Variants in RANBP2 observed in about 807,000 individuals in gnomAD.
RANBP2 encodes RAN binding protein 2.
A neutral mutation model predicts 303.6 loss-of-function variants in RANBP2; 57 were observed. The ratio of observed to expected loss-of-function variants is 0.19; its 90% CI spans 0.15 to 0.23. The LOEUF (loss-of-function observed/expected upper bound fraction) is 0.23. RANBP2 is among the 10% of genes least tolerant of loss of function. The pLI is 1.00. For synonymous variants in RANBP2, 1,167 were observed against 1,301.5 expected, an observed-to-expected ratio of 0.90 and a Z score of 2.23; for missense variants, 3,138 against 3,780.8, an observed-to-expected ratio of 0.83 and a Z score of 4.46.
At chr2:109,799,562 A>G in the RANBP2 span, among the ~76,000 whole-genome samples, 1 of 4,328 alleles carries the variant, frequency 2.3e-4, no homozygotes, top group Non-Finnish European at 3.7e-4. Flanking sequence ...TCTTATCCAC[A>G]GTATTGCCTT....
At chr2:109,439,494 A>AC in the RANBP2 span, among the ~76,000 whole-genome samples, 1 of 152,188 alleles carries the variant, frequency 6.6e-6, no homozygotes, top group Non-Finnish European at 1.5e-5. Flanking sequence ...ATTTCAGCAG[A>AC]CCCCAACCCC....
At chr2:109,105,580 A>C in the RANBP2 span, among the ~76,000 whole-genome samples, 7 of 152,086 alleles carry the variant, frequency 4.6e-5, no homozygotes, top group Non-Finnish European at 7.4e-5. Context: ...TTTAAGATGA[A>C]GTCTTGCTCT....
At chr2:108,752,292 G>C (rs574176995) in intron 12 of RANBP2, among the ~76,000 whole-genome samples, 3 of 152,054 alleles carry the variant, frequency 2.0e-5, no homozygotes, top group South Asian at 4.1e-4. Context: ...AGGCTTTGTA[G>C]GTAAGACCAT....
At chr2:108,793,978 A>G in the RANBP2 span, among the ~76,000 whole-genome samples, 1 of 152,154 alleles carries the variant, frequency 6.6e-6, no homozygotes, top group Non-Finnish European at 1.5e-5. Flanking sequence ...AAATCAGCTC[A>G]AATTTCCACC....
chr2:109,289,332 C>T, the RANBP2 span, among the ~76,000 whole-genome samples: 2 of 151,322 alleles, frequency 1.3e-5, no homozygotes, highest in African/African-American at 4.9e-5. Flanking sequence ...CCCATGCTCC[C>T]ACACAAAGGT....
chr2:108,762,798 C>T (rs4099610), intron 19 of RANBP2, among the ~76,000 whole-genome samples: 4 of 151,182 alleles, frequency 2.6e-5, no homozygotes, highest in Non-Finnish European at 4.4e-5. Flanking sequence ...ATAAATGTTA[C>T]CATCATCATC....
the RANBP2 span, among the ~76,000 whole-genome samples, chr2:109,337,803 G>A: frequency 6.6e-6 from 1 of 151,896 alleles, no homozygotes; most frequent in Non-Finnish European, 1.5e-5. Flanking sequence ...TCATAGCTCA[G>A]TGCAGCCTCA....
At chr2:108,788,389 C>T (rs1679292134), downstream of RANBP2, among the ~76,000 whole-genome samples, 1 of 149,180 alleles carries the variant, frequency 6.7e-6, no homozygotes, top group African/African-American at 2.5e-5. Context: ...CACTACACTC[C>T]AGCCTGGGCA....
chr2:109,403,322 C>T, the RANBP2 span, among the ~76,000 whole-genome samples: 1 of 152,308 alleles, frequency 6.6e-6, no homozygotes, highest in South Asian at 2.1e-4. Flanking sequence ...ATCTCACCTC[C>T]TCTGTCCTGG....
the RANBP2 span, among the ~76,000 whole-genome samples, chr2:109,459,600 T>C: frequency 2.0e-5 from 3 of 152,112 alleles, no homozygotes; most frequent in South Asian, 6.2e-4. Flanking sequence ...TGGAGTGCAG[T>C]CCAGTTTCCC....
At chr2:109,115,715 C>A in the RANBP2 span, among the ~76,000 whole-genome samples, 1 of 152,134 alleles carries the variant, frequency 6.6e-6, no homozygotes, top group Non-Finnish European at 1.5e-5. Flanking sequence ...GATGCAGTTT[C>A]TTCCTAGCCT....
chr2:108,879,861 C>T, the RANBP2 span, among the ~76,000 whole-genome samples: 1 of 151,982 alleles, frequency 6.6e-6, no homozygotes, highest in Admixed American at 6.6e-5. Context: ...TCCTCTCTTC[C>T]AACCTTCAAA....
chr2:108,833,894 A>ATTT, the RANBP2 span, among the ~76,000 whole-genome samples: 2,199 of 79,078 alleles, frequency 0.028, 63 homozygotes, highest in African/African-American at 0.092. Context: ...CGCCCGGCTA[A>ATTT]TTTTTTTTTT....
At chr2:109,524,437 C>G in the RANBP2 span, among the ~76,000 whole-genome samples, 1 of 115,402 alleles carries the variant, frequency 8.7e-6, no homozygotes. Context: ...AGAGTGGGAC[C>G]CTGTCTCAAA....
the RANBP2 span, among the ~76,000 whole-genome samples, chr2:108,834,883 T>G: frequency 6.6e-6 from 1 of 152,258 alleles, no homozygotes; most frequent in East Asian, 1.9e-4. Context: ...TGAAAAGCAT[T>G]TACAGAATTC....
the RANBP2 span, among the ~76,000 whole-genome samples, chr2:109,369,838 C>G: frequency 0.28 from 42,570 of 152,174 alleles, 6,891 homozygotes; most frequent in Non-Finnish European, 0.37. Flanking sequence ...TCTTAGACCC[C>G]ACCAGCCTAA....
At chr2:108,752,293 G>C (rs1319511503) in intron 12 of RANBP2, among the ~76,000 whole-genome samples, 1 of 151,918 alleles carries the variant, frequency 6.6e-6, no homozygotes, top group African/African-American at 2.4e-5. Flanking sequence ...GGCTTTGTAG[G>C]TAAGACCATT....
chr2:109,442,552 G>T, the RANBP2 span, among the ~76,000 whole-genome samples: 1 of 152,082 alleles, frequency 6.6e-6, no homozygotes, highest in East Asian at 1.9e-4. Flanking sequence ...AAACTCAAAA[G>T]CAAAATGTAC....
At chr2:108,936,140 G>C in the RANBP2 span, among the ~76,000 whole-genome samples, 3 of 152,244 alleles carry the variant, frequency 2.0e-5, no homozygotes, top group Admixed American at 6.5e-5. Context: ...GACTGTGACG[G>C]TGCTACCTCT....
Sources: gnomAD v4.1 joint callset for allele counts (sites outside exome capture counted in the v4.1 genomes callset) on GRCh38, gnomAD v4.1.1 for gene constraint, MANE v1.5 for transcripts, NCBI Gene and HGNC (gene_info 2026-07-23, HGNC 2026-07-21) for gene names.